The following GALNTL6 variants were observed in gnomAD, a reference collection of about 807,000 sequenced individuals.
GALNTL6 encodes polypeptide N-acetylgalactosaminyltransferase-like 6.
Under a neutral mutation model 73.7 loss-of-function variants are expected in GALNTL6, and 46 were observed. The observed-to-expected ratio is 0.62, with a 90% confidence interval of 0.49 to 0.80. GALNTL6 has a LOEUF of 0.80. Ranked by LOEUF, GALNTL6 falls within the 30% of genes least tolerant of loss-of-function variation. The probability of loss-of-function intolerance (pLI) is 0.00; values close to 1 mark genes in which losing one functional copy is unlikely to be tolerated. For missense variants in GALNTL6, 604 were observed against 755.0 expected, an observed-to-expected ratio of 0.80 and a Z score of 2.34; for synonymous variants, 259 against 263.7, an observed-to-expected ratio of 0.98 and a Z score of 0.17.
intron 5 of GALNTL6, among the ~76,000 whole-genome samples, chr4:172,474,394 A>AT (rs1733161381): frequency 6.6e-6 from 1 of 152,104 alleles, no homozygotes; most frequent in African/African-American, 2.4e-5. Flanking sequence ...TTAAGTTCTA[A>AT]TTTTTATACT....
At chr4:172,834,668 G>A (rs1191140294) in intron 7 of GALNTL6, among the ~76,000 whole-genome samples, 3 of 152,192 alleles carry the variant, frequency 2.0e-5, no homozygotes, top group African/African-American at 4.8e-5. Context: ...CTTGGAGAGG[G>A]CCAATATCTG....
chr4:171,902,993 A>G (rs1377614572), intron 2 of GALNTL6, among the ~76,000 whole-genome samples: 1 of 152,200 alleles, frequency 6.6e-6, no homozygotes, highest in Non-Finnish European at 1.5e-5. Flanking sequence ...ATTCTTCATT[A>G]CAATCATTAC....
chr4:172,063,491 A>C (rs2110886286), intron 2 of GALNTL6, among the ~76,000 whole-genome samples: 1 of 151,472 alleles, frequency 6.6e-6, no homozygotes, highest in Non-Finnish European at 1.5e-5. Context: ...TTTGGCTTTT[A>C]TTTTTTGGTT....
rs1408605135 is a variant in GALNTL6, at chr4:172,895,400, A to ATT, written c.1041+12494_1041+12495insTT. 2.1e-3 allele frequency among the ~76,000 whole-genome samples: 199 copies of ATT among 96,756 alleles called. 1 individual carries two copies. The highest frequency in any genetic ancestry group is 8.5e-3 in the Middle Eastern group (2 of 234). The allele number at this position is 96,756 out of a possible 152,430, so 63.5% of individuals were successfully genotyped here. A position where few individuals can be genotyped will look rare whatever the true frequency, so the allele number is the denominator to read the frequency against. ...GTGTTTTTGTTATATATATATATATATATTTTTTTTTTGCTTTCAGCACTC... is the reference window on the plus strand; with the variant it reads ...GTGTTTTTGTTATATATATATATATATTTATTTTTTTTTTGCTTTCAGCACTC... On this transcript the variant is annotated intron_variant, in intron 8 of 12. Coordinates refer to ENST00000506823, the MANE Select transcript of GALNTL6 (RefSeq NM_001034845.3).
In GALNTL6 at chr4:172,322,296, C is replaced by T. The variant is rs190336051; in HGVS notation, c.386+10544C>T. On this transcript the variant is annotated intron_variant, in intron 4 of 12. Coordinates refer to ENST00000506823, the MANE Select transcript of GALNTL6 (RefSeq NM_001034845.3). Reference sequence around the variant, plus strand: ...ATGAACTTTCGCTTCTGCTCTAAAACTTGCCTTGGTCTTTCACTCTACACT... The same window carrying T: ...ATGAACTTTCGCTTCTGCTCTAAAATTTGCCTTGGTCTTTCACTCTACACT... Among the ~76,000 whole-genome samples the T allele has an allele frequency of 8.0e-4, 122 of 152,284 alleles. 2 individuals are homozygous for T. In the South Asian group the frequency reaches 0.016, roughly 20 times the overall value.
chr4:172,978,760 G>C (rs1320010678), intron 10 of GALNTL6, among the ~76,000 whole-genome samples: 2 of 152,058 alleles, frequency 1.3e-5, no homozygotes, highest in African/African-American at 4.8e-5. Context: ...CCACAAATAA[G>C]GCACAATATG....
At chr4:171,822,619 TA>T (rs1734716216) in intron 2 of GALNTL6, among the ~76,000 whole-genome samples, 1 of 152,150 alleles carries the variant, frequency 6.6e-6, no homozygotes, top group South Asian at 2.1e-4. Flanking sequence ...TGTGTACACC[TA>T]AAAAAGATAT....
chr4:172,346,988 C>CTTTTTTTTTTTTT (rs34332250), intron 4 of GALNTL6, among the ~76,000 whole-genome samples: 3 of 114,410 alleles, frequency 2.6e-5, no homozygotes, highest in Non-Finnish European at 3.4e-5. Flanking sequence ...TGTTTTCTTT[C>CTTTTTTTTTTTTT]TTTTTTTTTT....
At chr4:172,233,579 A>G (rs1560982192) in intron 3 of GALNTL6, among the ~76,000 whole-genome samples, 1 of 151,970 alleles carries the variant, frequency 6.6e-6, no homozygotes, top group Non-Finnish European at 1.5e-5. Flanking sequence ...AAGTTTCCAT[A>G]TTTATGTGTT....
chr4:172,583,616 A>G (rs1038416979), intron 5 of GALNTL6, among the ~76,000 whole-genome samples: 1 of 152,178 alleles, frequency 6.6e-6, no homozygotes, highest in Non-Finnish European at 1.5e-5. Flanking sequence ...AAAATATCGG[A>G]TGCGGCTGGG....
intron 9 of GALNTL6, among the ~76,000 whole-genome samples, chr4:172,939,142 T>A (rs1748781975): frequency 6.6e-6 from 1 of 151,700 alleles, no homozygotes; most frequent in African/African-American, 2.4e-5. Context: ...TTTTTTTTTT[T>A]AAAGTTACCT....
intron 8 of GALNTL6, among the ~76,000 whole-genome samples, chr4:172,923,927 C>T (rs867304660): frequency 1.3e-5 from 2 of 152,028 alleles, no homozygotes; most frequent in African/African-American, 4.8e-5. Flanking sequence ...TACCTCCCAC[C>T]GGGTACCTCA....
chr4:172,018,392 G>A (rs1741276896), intron 2 of GALNTL6, among the ~76,000 whole-genome samples: 1 of 152,078 alleles, frequency 6.6e-6, no homozygotes, highest in Admixed American at 6.6e-5. Context: ...TGAGGCCACT[G>A]TAGGGGTTTA....
intron 9 of GALNTL6, among the ~76,000 whole-genome samples, chr4:172,932,783 G>C (rs1748418211): frequency 6.6e-6 from 1 of 152,168 alleles, no homozygotes; most frequent in South Asian, 2.1e-4. Context: ...AACCAAATTT[G>C]CGTTAGTACT....
At chr4:172,724,939 C>T (rs1735709303) in intron 5 of GALNTL6, among the ~76,000 whole-genome samples, 1 of 152,100 alleles carries the variant, frequency 6.6e-6, no homozygotes. Flanking sequence ...ATCACCTGGG[C>T]TCTCCTTCTT....
intron 5 of GALNTL6, among the ~76,000 whole-genome samples, chr4:172,427,716 T>C (rs1274519368): frequency 6.6e-6 from 1 of 152,300 alleles, no homozygotes; most frequent in South Asian, 2.1e-4. Context: ...ACTGGAACCA[T>C]GTAGTTTCAC....
At chr4:172,006,468 A>C (rs1740846139) in intron 2 of GALNTL6, among the ~76,000 whole-genome samples, 3 of 151,980 alleles carry the variant, frequency 2.0e-5, no homozygotes, top group African/African-American at 7.2e-5. Context: ...TCTTTACAAT[A>C]AAATAGAAAG....
chr4:171,967,127 T>G (rs1340035416), intron 2 of GALNTL6, among the ~76,000 whole-genome samples: 1 of 152,212 alleles, frequency 6.6e-6, no homozygotes, highest in Non-Finnish European at 1.5e-5. Flanking sequence ...GTTTTCTCGT[T>G]ACTTCTTTAA....
In GALNTL6 at chr4:172,836,614, T is replaced by A. The variant is rs1190593621; in HGVS notation, c.923+22891T>A. 2.6e-5 allele frequency among the ~76,000 whole-genome samples: 4 copies of A among 152,232 alleles called. No individual in the cohort carries two copies. The East Asian group carries it at 7.7e-4, about 29-fold the overall frequency. ...CTTCTACATAAAATATGCTTTTACCTAATTGAAAAGTCATTATCAATTAGC... is the reference window on the plus strand; with the variant it reads ...CTTCTACATAAAATATGCTTTTACCAAATTGAAAAGTCATTATCAATTAGC... On this transcript the variant is annotated intron_variant, in intron 7 of 12. Transcript: ENST00000506823.
Sources: gnomAD v4.1 joint callset for allele counts (sites outside exome capture counted in the v4.1 genomes callset) on GRCh38, gnomAD v4.1.1 for gene constraint, MANE v1.5 for transcripts, NCBI Gene and HGNC (gene_info 2026-07-23, HGNC 2026-07-21) for gene names.